CACNA1C: variants seen among roughly 807,000 people sequenced by gnomAD.
CACNA1C encodes the protein calcium voltage-gated channel subunit alpha1 C, also known as voltage-dependent L-type calcium channel subunit alpha-1C.
CACNA1C carries 30 observed loss-of-function variants against 229.0 expected under a neutral mutation model. That is an observed-to-expected ratio of 0.13 (90% CI 0.10 to 0.18). The LOEUF (loss-of-function observed/expected upper bound fraction) is 0.18. Among genes scored for constraint, CACNA1C ranks in the 10% least tolerant of loss-of-function variants. CACNA1C has a pLI of 1.00. For synonymous variants in CACNA1C, 1,114 were observed against 1,132.5 expected (o/e 0.98, Z 0.33); for missense variants, 1,658 against 2,845.0 (o/e 0.58, Z 9.49).
intron 3 of CACNA1C, among the ~76,000 whole-genome samples, chr12:2,404,045 A>T (rs1217721419): frequency 6.6e-6 from 1 of 152,124 alleles, no homozygotes; most frequent in African/African-American, 2.4e-5. Context: ...TAGGCTGGTC[A>T]CCTCTGGTTG....
rs2097288059 is a variant in CACNA1C, at chr12:2,354,181, G to T, written c.478-94795G>T. 6.6e-6 allele frequency among the ~76,000 whole-genome samples: 1 copy of T among 152,140 alleles called. No homozygotes were observed. Among genetic ancestry groups the T allele is most frequent in the Non-Finnish European group, 1.5e-5 (1 of 68,016 alleles). On this transcript the variant is annotated intron_variant, in intron 3 of 46. Coordinates refer to ENST00000399655, the MANE Select transcript of CACNA1C (RefSeq NM_000719.7). The surrounding 1 kb of genome is among the most constrained non-coding windows in gnomAD (Gnocchi z 4.6). ...TTTTCCAGAACCCCTTAACCCAGTG[G>T]AAGCCCCGCCTTTCATGTGGGCCCC...
chr12:2,688,912 C>T (rs534981524), intron 46 of CACNA1C, 133 bp downstream of exon 46: 565 of 748,562 alleles, frequency 7.5e-4, no homozygotes, highest in Non-Finnish European at 1.1e-3. Flanking sequence ...AAGACCCTCC[C>T]TCTCAGGGCT....
chr12:2,315,817 A>G (rs546307687), intron 3 of CACNA1C, among the ~76,000 whole-genome samples: 39 of 152,370 alleles, frequency 2.6e-4, no homozygotes, highest in African/African-American at 9.1e-4. Context: ...GCTTCCCCAG[A>G]ACAGAAATTT....
intron 3 of CACNA1C, among the ~76,000 whole-genome samples, chr12:2,433,148 C>T (rs763348212): frequency 5.3e-5 from 8 of 152,256 alleles, no homozygotes; most frequent in Non-Finnish European, 1.2e-4. Context: ...ATTTCCTTGC[C>T]TGTTGGTTTT....
Position 2,419,952 on chromosome 12 carries a change from G to A in CACNA1C, c.478-29024G>A, listed in dbSNP as rs573720370. ...TCACTTCCACACCATCTCTGTACCCGCCACCAGTCTCCAATTTGGCCCACA... is the reference window on the plus strand; with the variant it reads ...TCACTTCCACACCATCTCTGTACCCACCACCAGTCTCCAATTTGGCCCACA... On this transcript the variant is annotated intron_variant, in intron 3 of 46. Coordinates refer to ENST00000399655, the MANE Select transcript of CACNA1C (RefSeq NM_000719.7). 5.1e-4 allele frequency among the ~76,000 whole-genome samples: 78 copies of A among 152,212 alleles called. 1 individual carries two copies. The South Asian group carries it at 0.015, about 29-fold the overall frequency.
In CACNA1C at chr12:2,410,260, G is replaced by A. The variant is rs1442041216; in HGVS notation, c.478-38716G>A. Among the ~76,000 whole-genome samples, 4 of 152,120 alleles carry A rather than the reference G, an allele frequency of 2.6e-5. No individual in the cohort carries two copies. Among genetic ancestry groups the A allele is most frequent in the East Asian group, 1.9e-4 (1 of 5,168 alleles). On this transcript the variant is annotated intron_variant, in intron 3 of 46. Coordinates refer to ENST00000399655, the MANE Select transcript of CACNA1C (RefSeq NM_000719.7). This position sits in a 1 kb window ranked among gnomAD's most constrained non-coding sequence, Gnocchi z 5.3. The stretch of plus-strand genomic sequence containing the variant: ...CAGAATCGACCTCAACGAGCTCGTC[G>A]CCGGGCACCGTTTTAGCAGCCCCAC...
chr12:2,545,630 C>CA (rs2099879689), intron 9 of CACNA1C, among the ~76,000 whole-genome samples: 1 of 151,932 alleles, frequency 6.6e-6, no homozygotes, highest in African/African-American at 2.4e-5. Context: ...ACATCATTAA[C>CA]AAAAAAATAA....
chr12:2,594,427 A>G (rs2067055593), intron 19 of CACNA1C, among the ~76,000 whole-genome samples: 1 of 152,148 alleles, frequency 6.6e-6, no homozygotes, highest in South Asian at 2.1e-4. Context: ...CTTCAACTGT[A>G]TCTTCCAGTT....
At chr12:2,232,363 G>A (rs995776858) in intron 3 of CACNA1C, among the ~76,000 whole-genome samples, 1 of 150,570 alleles carries the variant, frequency 6.6e-6, no homozygotes, top group African/African-American at 2.4e-5. Flanking sequence ...CTCATGATTA[G>A]ATGGAGGGTA....
chr12:2,507,722 C>G (rs1453946087), intron 8 of CACNA1C, among the ~76,000 whole-genome samples: 2 of 152,218 alleles, frequency 1.3e-5, no homozygotes, highest in Non-Finnish European at 2.9e-5. Context: ...ATTCCTGTGT[C>G]CATTCTACAG....
intron 1 of CACNA1C, chr12:1,991,139 T>A: frequency 2.2e-6 from 1 of 456,240 alleles, no homozygotes; most frequent in Non-Finnish European, 4.4e-6. Context: ...TGCATCCATG[T>A]TTAATAGTAG....
intron 3 of CACNA1C, among the ~76,000 whole-genome samples, chr12:2,357,664 T>TAAAAA (rs550833961): frequency 8.1e-4 from 105 of 129,930 alleles, no homozygotes; most frequent in African/African-American, 2.3e-3. Context: ...TTTTTTTCCT[T>TAAAAA]AAAAAAAAAA....
chr12:2,278,233 ATTG>A (rs895241917), intron 3 of CACNA1C, among the ~76,000 whole-genome samples: 6 of 152,208 alleles, frequency 3.9e-5, no homozygotes, highest in African/African-American at 9.6e-5. Flanking sequence ...CACTCAGTCT[ATTG>A]TTCTATGAAT....
chr12:2,620,273 A>G (rs1160959275), intron 29 of CACNA1C, among the ~76,000 whole-genome samples: 4 of 151,978 alleles, frequency 2.6e-5, no homozygotes, highest in Non-Finnish European at 5.9e-5. Context: ...TGCTCTAAGC[A>G]CCTTAATAGG....
chr12:2,610,898 G>A (rs2077333115), intron 28 of CACNA1C, among the ~76,000 whole-genome samples, 199 bp downstream of exon 28: 7 of 152,232 alleles, frequency 4.6e-5, no homozygotes, highest in Admixed American at 3.9e-4. Context: ...ACCCTGGGTT[G>A]ATCAATGGAG....
intron 1 of CACNA1C, among the ~76,000 whole-genome samples, chr12:1,986,395 G>A (rs77778833): frequency 6.6e-6 from 1 of 152,070 alleles, no homozygotes; most frequent in South Asian, 2.1e-4. Flanking sequence ...TTATCTCAGG[G>A]TTTTAGACTC....
At chr12:2,615,372 G>A (rs2079931320) in intron 29 of CACNA1C, among the ~76,000 whole-genome samples, 1 of 152,212 alleles carries the variant, frequency 6.6e-6, no homozygotes, top group Non-Finnish European at 1.5e-5. Flanking sequence ...AATGCCTGGG[G>A]AAAAAGTCTA....
intron 18 of CACNA1C, among the ~76,000 whole-genome samples, chr12:2,586,128 A>T (rs1204374552): frequency 6.6e-6 from 1 of 152,188 alleles, no homozygotes; most frequent in Non-Finnish European, 1.5e-5. Context: ...ACATTTGAGC[A>T]GTGCTTTTGT....
In CACNA1C at chr12:2,482,433, C is replaced by T. The variant is rs116514598; in HGVS notation, c.758-3671C>T. 6.3e-3 allele frequency among the ~76,000 whole-genome samples: 965 copies of T among 152,340 alleles called. 14 individuals carry two copies. The highest frequency in any genetic ancestry group is 0.022 in the African/African-American group (934 of 41,570). On this transcript the variant is annotated intron_variant, in intron 5 of 46. Transcript: ENST00000399655. The stretch of plus-strand genomic sequence containing the variant: ...CCTGTGCCACCACTTCCCAGCTGTG[C>T]GACCCTGGGTAGATCACTCCACTGC...
Sources: gnomAD v4.1 joint callset for allele counts (sites outside exome capture counted in the v4.1 genomes callset) on GRCh38, gnomAD v4.1.1 for gene constraint, Gnocchi (gnomAD v3.1) non-coding constraint, MANE v1.5 for transcripts, NCBI Gene and HGNC (gene_info 2026-07-23, HGNC 2026-07-21) for gene names.